The following ROBO2 variants were observed in gnomAD, a reference collection of about 807,000 sequenced individuals.
ROBO2 encodes the protein roundabout guidance receptor 2.
In ROBO2, 53 loss-of-function variants were observed where a neutral mutation model predicts 160.8. The ratio of observed to expected loss-of-function variants is 0.33; its 90% CI spans 0.26 to 0.41. ROBO2 has a LOEUF of 0.41. ROBO2 is among the 10% of genes least tolerant of loss of function. The pLI is 1.00. For missense variants in ROBO2, 1,577 were observed against 1,722.4 expected (o/e 0.92, Z 1.49); for synonymous variants, 664 against 611.7 (o/e 1.09, Z -1.26).
intron 2 of ROBO2, among the ~76,000 whole-genome samples, chr3:76,777,383 T>C (rs2062340682): frequency 6.6e-6 from 1 of 151,034 alleles, no homozygotes; most frequent in African/African-American, 2.4e-5. Context: ...GGTAGAATTA[T>C]GTATGAGATA....
intron 2 of ROBO2, among the ~76,000 whole-genome samples, chr3:77,154,368 C>T (rs79429893): frequency 0.051 from 7,724 of 151,998 alleles, 228 homozygotes; most frequent in East Asian, 0.087. Context: ...TGTTTTTAGA[C>T]GCTGGTGAGG....
chr3:76,336,265 CT>C (rs2073885313), intron 2 of ROBO2, among the ~76,000 whole-genome samples: 1 of 152,196 alleles, frequency 6.6e-6, no homozygotes, highest in South Asian at 2.1e-4. Context: ...TTGCCAATGG[CT>C]TACTGCAGAA....
intron 2 of ROBO2, among the ~76,000 whole-genome samples, chr3:77,228,814 C>A (rs1023719879): frequency 6.6e-6 from 1 of 151,964 alleles, no homozygotes; most frequent in Non-Finnish European, 1.5e-5. Flanking sequence ...AATAAGAAGA[C>A]CCAATTATGT....
chr3:77,244,609 G>A (rs1419591244), intron 2 of ROBO2, among the ~76,000 whole-genome samples: 2 of 152,128 alleles, frequency 1.3e-5, no homozygotes, highest in Non-Finnish European at 2.9e-5. Flanking sequence ...GCCAGGCGCG[G>A]TGGCTCATGC....
chr3:76,327,130 C>A (rs995917248), intron 2 of ROBO2, among the ~76,000 whole-genome samples: 2 of 151,876 alleles, frequency 1.3e-5, no homozygotes, highest in Non-Finnish European at 2.9e-5. Context: ...TCATAATGCC[C>A]AAGGAGCATT....
At chr3:77,362,229 G>A (rs920275965) in intron 2 of ROBO2, among the ~76,000 whole-genome samples, 1 of 152,106 alleles carries the variant, frequency 6.6e-6, no homozygotes, top group Non-Finnish European at 1.5e-5. Flanking sequence ...AATAGACATA[G>A]GGACCATGAA....
chr3:76,537,215 C>G (rs544188859), intron 2 of ROBO2, among the ~76,000 whole-genome samples: 3 of 151,838 alleles, frequency 2.0e-5, no homozygotes, highest in African/African-American at 7.3e-5. Flanking sequence ...GCATTGGGAG[C>G]AGAGATTAGG....
At chr3:77,161,524 A>G (rs1579507660) in intron 2 of ROBO2, among the ~76,000 whole-genome samples, 1 of 152,224 alleles carries the variant, frequency 6.6e-6, no homozygotes, top group African/African-American at 2.4e-5. Flanking sequence ...TCACTTTTAA[A>G]TACTTTTGCA....
intron 2 of ROBO2, among the ~76,000 whole-genome samples, chr3:76,880,929 T>C (rs1042389990): frequency 1.3e-5 from 2 of 152,212 alleles, no homozygotes; most frequent in Non-Finnish European, 2.9e-5. Flanking sequence ...TTCAGCCTTT[T>C]CTCTCCTGGG....
chr3:77,561,263 A>G (rs1482233686), intron 9 of ROBO2, among the ~76,000 whole-genome samples: 1 of 152,184 alleles, frequency 6.6e-6, no homozygotes, highest in African/African-American at 2.4e-5. Flanking sequence ...ATATTCCATG[A>G]GCGACTATAT....
intron 2 of ROBO2, among the ~76,000 whole-genome samples, chr3:76,167,918 G>A (rs2072899209): frequency 6.6e-6 from 1 of 152,068 alleles, no homozygotes; most frequent in South Asian, 2.1e-4. Context: ...ATCATTCCTG[G>A]TGCACTGGGA....
At chr3:76,046,723 T>C (rs1309764039) in intron 2 of ROBO2, among the ~76,000 whole-genome samples, 9 of 152,018 alleles carry the variant, frequency 5.9e-5, no homozygotes, top group Admixed American at 3.3e-4. Flanking sequence ...CTGAACTACT[T>C]TGGTCCTCAT....
chr3:77,113,005 C>T (rs1477575183), intron 2 of ROBO2, among the ~76,000 whole-genome samples: 3 of 152,198 alleles, frequency 2.0e-5, no homozygotes, highest in Non-Finnish European at 2.9e-5. Context: ...CTTTCCTATA[C>T]ACAAGGAATT....
intron 2 of ROBO2, among the ~76,000 whole-genome samples, chr3:75,956,582 A>G (rs745409607): frequency 4.0e-5 from 6 of 151,748 alleles, no homozygotes; most frequent in Non-Finnish European, 2.9e-5. Flanking sequence ...AGTGACCCTC[A>G]TATAGGGTCA....
At chr3:76,904,813 C>T (rs188957938) in intron 2 of ROBO2, among the ~76,000 whole-genome samples, 601 of 152,260 alleles carry the variant, frequency 3.9e-3, no homozygotes, top group Non-Finnish European at 6.1e-3. Flanking sequence ...ACATAAAGCT[C>T]TTATTTGCCT....
chr3:77,441,352 T>C (rs750714889), intron 2 of ROBO2, among the ~76,000 whole-genome samples: 1 of 151,668 alleles, frequency 6.6e-6, no homozygotes, highest in Admixed American at 6.6e-5. Context: ...TCATTTAAAA[T>C]GTAAGTGTGC....
At chr3:76,844,170 A>G (rs1212694721) in intron 2 of ROBO2, among the ~76,000 whole-genome samples, 1 of 152,020 alleles carries the variant, frequency 6.6e-6, no homozygotes, top group Non-Finnish European at 1.5e-5. Context: ...TTGGGGTTAA[A>G]ATGCTTCATG....
At chr3:77,578,256 T>C (rs992305850) in intron 15 of ROBO2, among the ~76,000 whole-genome samples, 1 of 152,168 alleles carries the variant, frequency 6.6e-6, no homozygotes, top group Non-Finnish European at 1.5e-5. Context: ...AAGTAGAAAG[T>C]ATGTCTACGT....
At chr3:77,251,605 G>A (rs1196779401) in intron 2 of ROBO2, among the ~76,000 whole-genome samples, 1 of 152,092 alleles carries the variant, frequency 6.6e-6, no homozygotes, top group African/African-American at 2.4e-5. Context: ...TTAGTGATAT[G>A]GATTTGTTGC....
Sources: allele counts gnomAD v4.1 joint callset (sites outside exome capture counted in the v4.1 genomes callset), GRCh38; gene constraint gnomAD v4.1.1; transcripts MANE v1.5; gene names NCBI Gene and HGNC (gene_info 2026-07-23, HGNC 2026-07-21).